Variants in NOTCH4 observed in about 807,000 individuals in gnomAD.
The protein encoded by NOTCH4 is neurogenic locus notch homolog protein 4.
A neutral mutation model predicts 189.0 loss-of-function variants in NOTCH4; 138 were observed. The ratio of observed to expected loss-of-function variants is 0.73; its 90% CI spans 0.64 to 0.84. The LOEUF (loss-of-function observed/expected upper bound fraction) is 0.84. Ranked by LOEUF, NOTCH4 falls within the 40% of genes least tolerant of loss-of-function variation. NOTCH4 has a pLI of 0.00. For missense variants in NOTCH4, 2,286 were observed against 2,605.4 expected (o/e 0.88, Z 2.67); for synonymous variants, 942 against 1,032.8 (o/e 0.91, Z 1.69).
chr6:32,212,496 G>T lies in NOTCH4; in HGVS notation c.2658C>A (p.Cys886Ter), dbSNP rs2127477162. 1 of 1,612,200 alleles carries T rather than the reference G, an allele frequency of 6.2e-7. No homozygotes were observed. Among genetic ancestry groups the T allele is most frequent in the Non-Finnish European group, 8.5e-7 (1 of 1,179,488 alleles). ...TACCTTGGCTCAGTGCAGCCTTCTG[G>T]CAGGAGGACAGTGGAAGGTTGCAGA... The part of the protein sequence containing the change: ...GPLCNLPLSS[C>*]QKAALSQGID... The change falls in exon 17 of 30, where the codon TGC (cysteine) becomes TGA (stop). Residue 886 changes from cysteine (C) to a stop codon, truncating the protein, a stop_gained. Coordinates refer to ENST00000375023, the MANE Select transcript of NOTCH4 (RefSeq NM_004557.4). LOFTEE classifies it high-confidence loss of function. This position sits in a 1 kb window ranked among gnomAD's most constrained non-coding sequence, Gnocchi z 4.4.
At chr6:32,216,823 A>T in intron 11 of NOTCH4, 122 bp downstream of exon 11, 1 of 1,209,586 alleles carries the variant, frequency 8.3e-7, no homozygotes, top group Non-Finnish European at 1.2e-6. Flanking sequence ...AAATAACTTT[A>T]AAGGATACCA....
At chr6:32,213,861 C>T (rs1250287822) in intron 13 of NOTCH4, 21 bp from the exon 14 acceptor site, 1 of 1,610,576 alleles carries the variant, frequency 6.2e-7, no homozygotes, top group South Asian at 1.1e-5. Context: ...CAGGTGGGGG[C>T]TGAGAAAGGG....
At position 32,195,025 on chromosome 6, in the gene NOTCH4, C is replaced by T. The variant is rs1787762903; in HGVS notation, c.*412G>A. The T allele has an allele frequency of 3.9e-6, 1 of 256,596 alleles. No individual in the cohort carries two copies. Among genetic ancestry groups the T allele is most frequent in the Admixed American group, 4.9e-5 (1 of 20,236 alleles). 15.9% of individuals were successfully genotyped at this position (256,596 alleles called of 1,614,324 possible). A position where few individuals can be genotyped will look rare whatever the true frequency, so the allele number is the denominator to read the frequency against. On this transcript the variant is annotated 3_prime_UTR_variant, in exon 30 of 30. Coordinates refer to ENST00000375023, the MANE Select transcript of NOTCH4 (RefSeq NM_004557.4). This position sits in a 1 kb window ranked among gnomAD's most constrained non-coding sequence, Gnocchi z 5.4. ...TTCAGCACCTACACAGTGCCTGGCACATAGTAGGTGCCCAATAAATATTTG... is the reference window on the plus strand; with the variant it reads ...TTCAGCACCTACACAGTGCCTGGCATATAGTAGGTGCCCAATAAATATTTG...
At position 32,197,044 on chromosome 6, in the gene NOTCH4, A is replaced by G. The variant is rs1787987806; in HGVS notation, c.5081T>C (p.Val1694Ala). ...QLLLRSRQTAVDARTEDGTTP... is the reference protein window; with the variant it reads ...QLLLRSRQTAADARTEDGTTP... ...GGTCCCGTCCTCTGTGCGAGCGTCC[A>G]CTGCAGTTTGTCTGCTACGGAGCAG... Residue 1694 changes from valine (V) to alanine (A), a missense_variant, in exon 28 of 30, where the codon GTG becomes GCG. By Grantham distance (64) the Val-to-Ala change is moderately conservative (BLOSUM62 0). Coordinates refer to ENST00000375023, the MANE Select transcript of NOTCH4 (RefSeq NM_004557.4). 1.2e-6 allele frequency: 2 copies of G among 1,612,600 alleles called. No homozygotes were observed. Among genetic ancestry groups the G allele is most frequent in the Admixed American group, 1.7e-5 (1 of 59,996 alleles).
rs1332964031 is a variant in NOTCH4 at position 32,214,107 on chromosome 6, C to T, written c.2167+3G>A. 3 of 1,608,340 alleles carry T rather than the reference C, an allele frequency of 1.9e-6. No homozygotes were observed. The highest frequency in any genetic ancestry group is 1.7e-4 in the Middle Eastern group (1 of 5,894). On this transcript the variant is annotated splice_donor_region_variant and intron_variant, in intron 13 of 29. Coordinates refer to ENST00000375023, the MANE Select transcript of NOTCH4 (RefSeq NM_004557.4). Reference sequence around the variant, plus strand: ...GGTGTATATGGTTTAGGGAGGGTCTCACCTGTGTAGCCTGTAGGGCAGGTG... The same window carrying T: ...GGTGTATATGGTTTAGGGAGGGTCTTACCTGTGTAGCCTGTAGGGCAGGTG...
At chr6:32,213,928 C>T (rs952124227) in intron 13 of NOTCH4, 88 bp from the exon 14 acceptor site, 12 of 1,516,920 alleles carry the variant, frequency 7.9e-6, no homozygotes, top group Non-Finnish European at 9.9e-6. Flanking sequence ...CCTTCCTCAT[C>T]CCCAACCCTA....
At position 32,196,051 on chromosome 6, in the gene NOTCH4, C is replaced by G. The variant is rs745811347; in HGVS notation, c.5398G>C (p.Gly1800Arg). 1 of 1,594,598 alleles carries G rather than the reference C, an allele frequency of 6.3e-7. No homozygotes were observed. Among genetic ancestry groups the G allele is most frequent in the Non-Finnish European group, 8.5e-7 (1 of 1,177,220 alleles). ...TGAGCGACGTCCGCCGGCGCTAGCC[C>G]AGCCTGGTCCCGCAGCTCTCGGGCT... ...GAARELRDQA[G>R]LAPADVAHQR... The change falls in exon 30 of 30, where the codon GGG becomes CGG. Residue 1800 changes from glycine (G) to arginine (R), a missense_variant. By Grantham distance (125) the Gly-to-Arg change is moderately radical. Coordinates refer to ENST00000375023, the MANE Select transcript of NOTCH4 (RefSeq NM_004557.4).
chr6:32,219,847 G>A, intron 7 of NOTCH4, 61 bp from the exon 8 acceptor site: 1 of 1,397,510 alleles, frequency 7.2e-7, no homozygotes, highest in Non-Finnish European at 9.9e-7. Flanking sequence ...AAGGAGGTGA[G>A]ACTGTCAGGG....
chr6:32,219,600 C>T lies in NOTCH4; in HGVS notation c.1502G>A (p.Cys501Tyr), dbSNP rs775573404. Residue 501 changes from cysteine to tyrosine, a missense_variant, in exon 8 of 30, where the codon TGC (cysteine) becomes TAC (tyrosine). Coordinates refer to ENST00000375023, the MANE Select transcript of NOTCH4 (RefSeq NM_004557.4). ...CCCCATCCAGCTGATACCTGGCGGG[C>T]AGAGGCAGTGGAAGGTGGCAAGTAG... The part of the protein sequence containing the change: ...LDLLATFHCL[C>Y]PPGLEGQLCE... 1.2e-6 allele frequency: 2 copies of T among 1,612,656 alleles called. No homozygotes were observed. Among genetic ancestry groups the T allele is most frequent in the African/African-American group, 1.3e-5 (1 of 75,012 alleles).
chr6:32,220,426 G>A lies in NOTCH4; in HGVS notation c.1138C>T (p.Leu380Phe), dbSNP rs2127487090. ...CIDRVGSFSC[L>F]CPPGRTGLLC... Reference sequence around the variant, plus strand: ...ATACCTGTGCGTCCAGGTGGGCAGAGGCAGGAGAAAGAGCCCACCCGGTCA... The same window carrying A: ...ATACCTGTGCGTCCAGGTGGGCAGAAGCAGGAGAAAGAGCCCACCCGGTCA... Residue 380 changes from leucine to phenylalanine, a missense_variant, in exon 6 of 30, where the codon CTC (leucine) becomes TTC (phenylalanine). Physicochemically the swap from Leu to Phe is conservative, Grantham distance 22. Coordinates refer to ENST00000375023, the MANE Select transcript of NOTCH4 (RefSeq NM_004557.4). 1 of 1,614,118 alleles carries A rather than the reference G, an allele frequency of 6.2e-7. No homozygotes were observed. The highest frequency in any genetic ancestry group is 8.5e-7 in the Non-Finnish European group (1 of 1,180,008).
chr6:32,215,812 CCTTT>C (rs3037534), intron 11 of NOTCH4: 30,733 of 158,972 alleles, frequency 0.19, 3,391 homozygotes, highest in East Asian at 0.35. Flanking sequence ...TCCTTTCCTT[CCTTT>C]CCTTCCCTTC....
chr6:32,199,703 C>CAAACAAAACAAAACAAAACA lies in NOTCH4; in HGVS notation c.4316-559_4316-558insTGTTTTGTTTTGTTTTGTTT, dbSNP rs9281669. 2.0e-3 allele frequency among the ~76,000 whole-genome samples: 296 copies of CAAACAAAACAAAACAAAACA among 150,724 alleles called. 12 individuals are homozygous for CAAACAAAACAAAACAAAACA. The East Asian group carries it at 0.057, about 29-fold the overall frequency. ...TGGGCGACAAGGCAAGACTCTGTCTCAAACAAAACAAAACAAAAACAAAAA... is the reference window on the plus strand; with the variant it reads ...TGGGCGACAAGGCAAGACTCTGTCTCAAACAAAACAAAACAAAACAAAACAAAACAAAACAAAAACAAAAA... On this transcript the variant is annotated intron_variant, in intron 23 of 29. Transcript: ENST00000375023. The surrounding 1 kb of genome is among the most constrained non-coding windows in gnomAD (Gnocchi z 4.9).
chr6:32,214,561 C>T (rs1424592607), intron 12 of NOTCH4, among the ~76,000 whole-genome samples: 1 of 151,014 alleles, frequency 6.6e-6, no homozygotes, highest in Non-Finnish European at 1.5e-5. Flanking sequence ...AGAGCAGTTG[C>T]TTTATCTCTT....
At chr6:32,214,276 G>A (rs1225612699) in intron 12 of NOTCH4, 21 bp from the exon 13 acceptor site, 1 of 1,611,018 alleles carries the variant, frequency 6.2e-7, no homozygotes. Context: ...AGAGAAAGGG[G>A]AGGGTTTTTC....
intron 18 of NOTCH4, among the ~76,000 whole-genome samples, chr6:32,205,539 T>A (rs1248310083): frequency 2.4e-5 from 2 of 82,898 alleles, no homozygotes; most frequent in East Asian, 7.9e-4. Flanking sequence ...CAGAGTGAGA[T>A]GCTGTCTCAA....
chr6:32,195,606 T>A lies in NOTCH4; in HGVS notation c.5843A>T (p.Asp1948Val). 6.2e-7 allele frequency: 1 copy of A among 1,613,056 alleles called. No individual in the cohort carries two copies. Among genetic ancestry groups the A allele is most frequent in the Non-Finnish European group, 8.5e-7 (1 of 1,180,012 alleles). The change falls in exon 30 of 30, where the codon GAC becomes GTC. Residue 1948 changes from aspartate to valine, a missense_variant. This residue lies in a region of NOTCH4 where 383 missense variants were observed against 343.5 expected (regional missense o/e 1.11). Coordinates refer to ENST00000375023, the MANE Select transcript of NOTCH4 (RefSeq NM_004557.4). This position sits in a 1 kb window ranked among gnomAD's most constrained non-coding sequence, Gnocchi z 5.4. ...CAGGGCCACCCAATCACAGGGCCAG[T>A]CATCCGTTGAGACCCTGCCTCCGCG... is the stretch of plus-strand genomic sequence containing the variant. ...AGRGGRVSTD[D>V]WPCDWVALGA...
Position 32,223,950 on chromosome 6 carries a change from C to T in NOTCH4, c.-22G>A. ...GCATTCCACAGCCCCTTCTCCAAGC[C>T]CCGGTCCCTGTCCCTCTTCAGGCAG... On this transcript the variant is annotated 5_prime_UTR_variant, in exon 1 of 30. Coordinates refer to ENST00000375023, the MANE Select transcript of NOTCH4 (RefSeq NM_004557.4). The T allele has an allele frequency of 6.3e-7, 1 of 1,588,168 alleles. No individual in the cohort carries two copies. Among genetic ancestry groups the T allele is most frequent in the Non-Finnish European group, 8.5e-7 (1 of 1,173,720 alleles).
At position 32,212,059 on chromosome 6, in the gene NOTCH4, T is replaced by TGA. The variant is rs1789055188; in HGVS notation, c.2680+414_2680+415insTC. Among the ~76,000 whole-genome samples, 1 of 152,180 alleles carries TGA rather than the reference T, an allele frequency of 6.6e-6. No individual in the cohort carries two copies. The highest frequency in any genetic ancestry group is 6.5e-5 in the Admixed American group (1 of 15,276). On this transcript the variant is annotated intron_variant, in intron 17 of 29. Transcript: ENST00000375023. This position sits in a 1 kb window ranked among gnomAD's most constrained non-coding sequence, Gnocchi z 4.4. ...AGCTCTTCTCATATCAAACCTTATT[T>TGA]TAGTGTTCTTTTACAAAGAGGGTGG...
At chr6:32,206,482 A>G (rs1337200958) in intron 18 of NOTCH4, among the ~76,000 whole-genome samples, 1 of 152,166 alleles carries the variant, frequency 6.6e-6, no homozygotes, top group Non-Finnish European at 1.5e-5. Flanking sequence ...AAATGAATAA[A>G]TTTAACCAAA....
Sources: allele counts gnomAD v4.1 joint callset (sites outside exome capture counted in the v4.1 genomes callset), GRCh38; gene constraint gnomAD v4.1.1; regional missense constraint gnomAD v4.1.1; non-coding constraint Gnocchi (gnomAD v3.1); transcripts MANE v1.5; gene names NCBI Gene and HGNC (gene_info 2026-07-23, HGNC 2026-07-21).